CNTNAP2: variants seen among roughly 807,000 people sequenced by gnomAD.
The protein encoded by CNTNAP2 is contactin associated protein 2.
Under a neutral mutation model 155.2 loss-of-function variants are expected in CNTNAP2, and 98 were observed. The ratio of observed to expected loss-of-function variants is 0.63; its 90% CI spans 0.54 to 0.75. The LOEUF is 0.75. Ranked by LOEUF, CNTNAP2 falls within the 30% of genes least tolerant of loss-of-function variation. CNTNAP2 has a pLI of 0.00. For synonymous variants in CNTNAP2, 651 were observed against 631.2 expected (o/e 1.03, Z -0.47); for missense variants, 1,727 against 1,688.1 (o/e 1.02, Z -0.40).
intron 2 of CNTNAP2, among the ~76,000 whole-genome samples, chr7:146,791,688 G>A (rs1802676466): frequency 6.6e-6 from 1 of 152,100 alleles, no homozygotes; most frequent in Admixed American, 6.5e-5. Context: ...CATACATTTG[G>A]AAATTATCAG....
In CNTNAP2 at chr7:148,383,735, G is replaced by T; in HGVS notation, c.3562G>T (p.Ala1188Ser). ...CTCCAGAGTCCAGTTCAACCAGATC[G>T]CCCCTCTCAAGGCCGCCTTGAGGCA... is the stretch of plus-strand genomic sequence containing the variant. ...CLSRVQFNQI[A>S]PLKAALRQTN... Residue 1188 changes from alanine to serine, a missense_variant, in exon 22 of 24, where the codon GCC becomes TCC. Ala to Ser is a moderately conservative substitution (Grantham distance 99). Transcript: ENST00000361727. 1 of 1,614,096 alleles carries T rather than the reference G, an allele frequency of 6.2e-7. No homozygotes were observed. The highest frequency in any genetic ancestry group is 1.1e-5 in the South Asian group (1 of 91,066).
At chr7:148,056,677 A>C (rs1287554370) in intron 15 of CNTNAP2, 1 of 152,276 alleles carries the variant, frequency 6.6e-6, no homozygotes, top group East Asian at 1.9e-4. Context: ...TGATGGGGTA[A>C]GTTTTTTTGC....
intron 1 of CNTNAP2, among the ~76,000 whole-genome samples, chr7:146,688,609 G>C (rs998069061): frequency 1.3e-5 from 2 of 151,954 alleles, no homozygotes; most frequent in African/African-American, 4.8e-5. Context: ...AGTTGAGGTG[G>C]GACACGAGCA....
chr7:148,035,413 C>A (rs2710150), intron 15 of CNTNAP2, among the ~76,000 whole-genome samples: 2,248 of 152,184 alleles, frequency 0.015, 47 homozygotes, highest in African/African-American at 0.052. Flanking sequence ...CTGCCCAGGG[C>A]GGCCTAGGGA....
At chr7:148,213,937 G>A (rs953993334) in intron 18 of CNTNAP2, among the ~76,000 whole-genome samples, 28 of 152,066 alleles carry the variant, frequency 1.8e-4, no homozygotes, top group Non-Finnish European at 3.4e-4. Context: ...TTAAAAAGAA[G>A]CACGTGAAGT....
intron 3 of CNTNAP2, among the ~76,000 whole-genome samples, chr7:146,975,166 A>G (rs1162372162): frequency 2.0e-5 from 3 of 152,012 alleles, no homozygotes; most frequent in African/African-American, 4.8e-5. Context: ...TCCAGAGTGA[A>G]TAAGACAGTA....
chr7:147,585,819 A>C (rs2116834365), intron 12 of CNTNAP2, among the ~76,000 whole-genome samples: 1 of 152,054 alleles, frequency 6.6e-6, no homozygotes, highest in South Asian at 2.1e-4. Flanking sequence ...ATATATCTAC[A>C]TATGTATGTG....
chr7:147,167,935 TA>T (rs1285531302), intron 8 of CNTNAP2, among the ~76,000 whole-genome samples: 1 of 151,390 alleles, frequency 6.6e-6, no homozygotes, highest in Non-Finnish European at 1.5e-5. Context: ...AATATCTTTT[TA>T]AAAATATATT....
In CNTNAP2 at chr7:147,562,275, A is replaced by G. The variant is rs139242986; in HGVS notation, c.1897+18A>G. On this transcript the variant is annotated intron_variant, in intron 12 of 23. Coordinates refer to ENST00000361727, the MANE Select transcript of CNTNAP2 (RefSeq NM_014141.6). ...CATGACAGGTAACTGTGTCATATTT[A>G]TGTTTTATGAAGATGCTTTTCTATA... is the stretch of plus-strand genomic sequence containing the variant. 6.9e-5 allele frequency: 112 copies of G among 1,613,460 alleles called. No individual in the cohort carries two copies. In the African/African-American group the frequency reaches 1.1e-3, roughly 17 times the overall value.
chr7:147,737,406 G>T lies in CNTNAP2; in HGVS notation c.2098+98100G>T, dbSNP rs536898971. Among the ~76,000 whole-genome samples the T allele has an allele frequency of 3.9e-5, 6 of 152,246 alleles. No individual in the cohort carries two copies. The East Asian group carries it at 1.2e-3, about 29-fold the overall frequency. On this transcript the variant is annotated intron_variant, in intron 13 of 23. Coordinates refer to ENST00000361727, the MANE Select transcript of CNTNAP2 (RefSeq NM_014141.6). ...GAAGTTTCATCTCAGAGGGGTACCC[G>T]GCCGGGTGAGGTGTCAGTCTGCCCC...
intron 1 of CNTNAP2, among the ~76,000 whole-genome samples, chr7:146,303,192 CAA>C (rs376382131): frequency 1.2e-4 from 18 of 151,134 alleles, no homozygotes; most frequent in African/African-American, 3.9e-4. Context: ...GATGGGGAAA[CAA>C]GAGAAAAGAA....
In CNTNAP2 at chr7:146,711,674, A is replaced by T. The variant is rs1211786008; in HGVS notation, c.98-62597A>T. Among the ~76,000 whole-genome samples the T allele has an allele frequency of 8.8e-5, 13 of 147,868 alleles. No homozygotes were observed. In the Admixed American group the frequency reaches 8.9e-4, roughly 10 times the overall value. ...GGTTCACACTGAAGCTATTTCGTAT[A>T]TATCTCATTATATATACATATCTTA... On this transcript the variant is annotated intron_variant, in intron 1 of 23. Coordinates refer to ENST00000361727, the MANE Select transcript of CNTNAP2 (RefSeq NM_014141.6).
rs1795888356 is a variant in CNTNAP2, at chr7:147,347,440, G to GCATATATATATATATA, written c.1498+47165_1498+47166insACATATATATATATAT. 9.3e-5 allele frequency among the ~76,000 whole-genome samples: 2 copies of GCATATATATATATATA among 21,526 alleles called. 1 individual carries two copies. The highest frequency in any genetic ancestry group is 2.2e-4 in the Non-Finnish European group (2 of 8,954). 14.1% of individuals were successfully genotyped at this position (21,526 alleles called of 152,430 possible). A position where few individuals can be genotyped will look rare whatever the true frequency, so the allele number is the denominator to read the frequency against. Reference sequence around the variant, plus strand: ...AAAGATTATATATATATATATATATGCATATATATATATATGCATATATAT... The same window carrying GCATATATATATATATA: ...AAAGATTATATATATATATATATATGCATATATATATATATACATATATATATATATGCATATATAT... On this transcript the variant is annotated intron_variant, in intron 9 of 23. Transcript: ENST00000361727.
At chr7:147,496,179 A>T (rs1377074962) in intron 11 of CNTNAP2, among the ~76,000 whole-genome samples, 2 of 141,972 alleles carry the variant, frequency 1.4e-5, no homozygotes, top group Non-Finnish European at 3.1e-5. Flanking sequence ...AATAGAAATA[A>T]ATTGCAAAAT....
chr7:147,915,668 T>C (rs1800146202), intron 14 of CNTNAP2, among the ~76,000 whole-genome samples: 1 of 151,322 alleles, frequency 6.6e-6, no homozygotes, highest in East Asian at 1.9e-4. Flanking sequence ...TTTCATTAAG[T>C]TAAGCTTTGT....
At chr7:146,212,312 C>T (rs1245567437) in intron 1 of CNTNAP2, among the ~76,000 whole-genome samples, 3 of 152,080 alleles carry the variant, frequency 2.0e-5, no homozygotes, top group African/African-American at 7.2e-5. Context: ...GGATGGAAGA[C>T]GTAGCATTCA....
chr7:146,901,279 T>C lies in CNTNAP2; in HGVS notation c.402+61375T>C, dbSNP rs1014758496. On this transcript the variant is annotated intron_variant, in intron 3 of 23. Transcript: ENST00000361727. Reference sequence around the variant, plus strand: ...GCTGAGTAAAAGCTATAATGCCCAATGAAGTTTTACATTTCCATAGAAAAC... The same window carrying C: ...GCTGAGTAAAAGCTATAATGCCCAACGAAGTTTTACATTTCCATAGAAAAC... 3.9e-5 allele frequency among the ~76,000 whole-genome samples: 6 copies of C among 152,162 alleles called. No homozygotes were observed. The East Asian group carries it at 1.2e-3, about 29-fold the overall frequency.
intron 1 of CNTNAP2, among the ~76,000 whole-genome samples, chr7:146,413,750 A>G (rs898939893): frequency 1.3e-5 from 2 of 152,088 alleles, no homozygotes; most frequent in Non-Finnish European, 2.9e-5. Context: ...AATTACACTC[A>G]TAATTTTCCC....
chr7:148,379,983 G>A (rs2116651231), intron 21 of CNTNAP2, among the ~76,000 whole-genome samples: 1 of 152,306 alleles, frequency 6.6e-6, no homozygotes, highest in Admixed American at 6.5e-5. Context: ...TAAAAGGACT[G>A]TCATGAGCAT....
Sources: gnomAD v4.1 joint callset for allele counts (sites outside exome capture counted in the v4.1 genomes callset) on GRCh38, gnomAD v4.1.1 for gene constraint, MANE v1.5 for transcripts, NCBI Gene and HGNC (gene_info 2026-07-23, HGNC 2026-07-21) for gene names.